DRC7: variants seen among roughly 807,000 people sequenced by gnomAD.
DRC7 encodes the protein dynein regulatory complex subunit 7.
A neutral mutation model predicts 104.4 loss-of-function variants in DRC7; 80 were observed. That is an observed-to-expected ratio of 0.77 (90% CI 0.64 to 0.92). The LOEUF is 0.92. Ranked by LOEUF, DRC7 falls within the 40% of genes least tolerant of loss-of-function variation. The probability of loss-of-function intolerance (pLI) is 0.00; values close to 1 mark genes in which losing one functional copy is unlikely to be tolerated. For synonymous variants in DRC7, 405 were observed against 447.3 expected (o/e 0.91, Z 1.19); for missense variants, 1,034 against 1,141.1 (o/e 0.91, Z 1.35).
intron 16 of DRC7, among the ~76,000 whole-genome samples, chr16:57,727,962 CCTGT>C (rs2048991751): frequency 6.6e-6 from 1 of 152,152 alleles, no homozygotes; most frequent in Non-Finnish European, 1.5e-5. Context: ...TTCACTGCCC[CCTGT>C]CTGCAGATGG....
chr16:57,721,803 C>T, intron 10 of DRC7, 64 bp downstream of exon 10: 1 of 1,285,674 alleles, frequency 7.8e-7, no homozygotes, highest in Non-Finnish European at 1.1e-6. Context: ...CCAGAGAGGT[C>T]TGCAACAGCG....
At chr16:57,711,878 G>A (rs113377917) in intron 8 of DRC7, among the ~76,000 whole-genome samples, 21,009 of 152,200 alleles carry the variant, frequency 0.14, 1,776 homozygotes, top group Middle Eastern at 0.25. Flanking sequence ...AAGATCAGAT[G>A]AGCCAGTTTA....
intron 6 of DRC7, 49 bp from the exon 7 acceptor site, chr16:57,704,827 A>G: frequency 1.3e-6 from 2 of 1,599,062 alleles, no homozygotes; most frequent in South Asian, 2.3e-5. Flanking sequence ...TTGCACATGT[A>G]AAGGGGGGAT....
At chr16:57,696,811 C>A (rs1460713622) in intron 2 of DRC7, among the ~76,000 whole-genome samples, 13 of 152,220 alleles carry the variant, frequency 8.5e-5, no homozygotes, top group African/African-American at 2.7e-4. Context: ...TGCCTCGGTT[C>A]CCAGTTTGAT....
At chr16:57,723,554 C>G (rs542164456) in intron 12 of DRC7, among the ~76,000 whole-genome samples, 1 of 152,058 alleles carries the variant, frequency 6.6e-6, no homozygotes, top group East Asian at 1.9e-4. Context: ...ATGGTGAAAC[C>G]CCATCTCTAC....
rs775374976 is a variant in DRC7, at chr16:57,698,148, C to T, written c.199C>T (p.Leu67Phe). 47 of 1,613,960 alleles carry T rather than the reference C, an allele frequency of 2.9e-5. No individual in the cohort carries two copies. The highest frequency in any genetic ancestry group is 4.4e-5 in the South Asian group (4 of 91,092). ...GATCCAGATCACTGTCTCAGCGGAG[C>T]TCCCGTGAGTGTGGCAGGGTGGGGG... is the stretch of plus-strand genomic sequence containing the variant. ...SEIQITVSAELPAFTKDTIDI... is the reference protein window; with the variant it reads ...SEIQITVSAEFPAFTKDTIDI... Residue 67 changes from leucine (L) to phenylalanine (F), a missense_variant, in exon 3 of 19, where the codon CTC becomes TTC. Physicochemically the swap from Leu to Phe is conservative, Grantham distance 22 (BLOSUM62 0). Coordinates refer to ENST00000360716, the MANE Select transcript of DRC7 (RefSeq NM_001289162.2).
intron 1 of DRC7, among the ~76,000 whole-genome samples, chr16:57,696,092 A>G (rs755776218): frequency 2.0e-5 from 3 of 151,884 alleles, no homozygotes; most frequent in Non-Finnish European, 4.4e-5. Flanking sequence ...TCATCTCTGG[A>G]CCCCCATTTG....
intron 6 of DRC7, among the ~76,000 whole-genome samples, chr16:57,703,525 G>A (rs922842395): frequency 6.6e-6 from 1 of 152,138 alleles, no homozygotes; most frequent in African/African-American, 2.4e-5. Flanking sequence ...GTTATACCTG[G>A]GTGAGCACCC....
Position 57,700,247 on chromosome 16 carries a change from C to A in DRC7, c.481C>A (p.Pro161Thr). 1 of 1,613,854 alleles carries A rather than the reference C, an allele frequency of 6.2e-7. No homozygotes were observed. The highest frequency in any genetic ancestry group is 8.5e-7 in the Non-Finnish European group (1 of 1,179,870). Reference protein sequence around the residue: ...QFVSDFLTMVPLPDPLKPPSH... With the variant: ...QFVSDFLTMVTLPDPLKPPSH... ...TGTCTCCGACTTCCTCACCATGGTG[C>A]CCCTGCCTGACCCTCTCAAGCCGGT... is the stretch of plus-strand genomic sequence containing the variant. The change falls in exon 5 of 19, where the codon CCC (proline) becomes ACC (threonine). Residue 161 changes from proline to threonine, a missense_variant. Coordinates refer to ENST00000360716, the MANE Select transcript of DRC7 (RefSeq NM_001289162.2).
Position 57,728,577 on chromosome 16 carries a change from T to A in DRC7, c.2384T>A (p.Phe795Tyr). 1 of 1,594,780 alleles carries A rather than the reference T, an allele frequency of 6.3e-7. No individual in the cohort carries two copies. Among genetic ancestry groups the A allele is most frequent in the African/African-American group, 1.3e-5 (1 of 74,360 alleles). ...INKANLIQAR[F>Y]EKETQELQKK... ...AAGGCCAACCTCATCCAGGCCCGCT[T>A]TGAGAAGGTGCCACCAGGGCCTTTG... The change falls in exon 17 of 19, where the codon TTT becomes TAT. Residue 795 changes from phenylalanine to tyrosine, a missense_variant. By Grantham distance (22) the Phe-to-Tyr change is conservative (BLOSUM62 3). Transcript: ENST00000360716.
chr16:57,725,196 G>C (rs567501092), intron 13 of DRC7, among the ~76,000 whole-genome samples: 63 of 152,094 alleles, frequency 4.1e-4, no homozygotes, highest in African/African-American at 1.3e-3. Flanking sequence ...ACTAGAATCA[G>C]GGCAGCAGGA....
At chr16:57,709,821 G>A (rs986040705) in intron 8 of DRC7, among the ~76,000 whole-genome samples, 11 of 152,296 alleles carry the variant, frequency 7.2e-5, no homozygotes, top group Admixed American at 7.2e-4. Flanking sequence ...CCAGGCTGGA[G>A]TGCAGTGATG....
intron 9 of DRC7, 24 bp downstream of exon 9, chr16:57,718,499 C>A (rs1433141802): frequency 6.2e-7 from 1 of 1,612,394 alleles, no homozygotes; most frequent in Non-Finnish European, 8.5e-7. Flanking sequence ...GCTCGAGAGC[C>A]CAGGGAATGT....
chr16:57,710,737 A>G (rs2048784352), intron 8 of DRC7, among the ~76,000 whole-genome samples: 2 of 152,142 alleles, frequency 1.3e-5, no homozygotes, highest in African/African-American at 4.8e-5. Flanking sequence ...TTCTGAGTCT[A>G]TTGAGATTAT....
intron 17 of DRC7, among the ~76,000 whole-genome samples, 164 bp from the exon 18 acceptor site, chr16:57,730,766 TG>T (rs2049052595): frequency 6.6e-6 from 1 of 152,096 alleles, no homozygotes; most frequent in South Asian, 2.1e-4. Flanking sequence ...CAAGATATTT[TG>T]TGGCCCCTGC....
At chr16:57,707,893 A>G in intron 8 of DRC7, 2 of 595,620 alleles carry the variant, frequency 3.4e-6, no homozygotes, top group Non-Finnish European at 6.0e-6. Flanking sequence ...GTATCCTTCT[A>G]AAGTGTGGAT....
At position 57,694,819 on chromosome 16, in the gene DRC7, T is replaced by G. The variant is rs1461973305; in HGVS notation, c.-202T>G. ...GCTTCCCAGGTTGTTACCATGGAGA[T>G]GGCTAACAGCTAGAGCAGGCTGTCC... On this transcript the variant is annotated 5_prime_UTR_variant, in exon 1 of 19. It removes an upstream start codon present in the reference 5' UTR. Coordinates refer to ENST00000360716, the MANE Select transcript of DRC7 (RefSeq NM_001289162.2). The G allele has an allele frequency of 2.6e-5, 4 of 152,140 alleles. No homozygotes were observed. Among genetic ancestry groups the G allele is most frequent in the Non-Finnish European group, 5.9e-5 (4 of 68,032 alleles). The allele number at this position is 152,140 out of a possible 1,614,324, so 9.4% of individuals were successfully genotyped here. A position where few individuals can be genotyped will look rare whatever the true frequency, so the allele number is the denominator to read the frequency against.
At chr16:57,729,878 A>ATGGG (rs2049035257) in intron 17 of DRC7, among the ~76,000 whole-genome samples, 1 of 109,338 alleles carries the variant, frequency 9.1e-6, no homozygotes, top group Non-Finnish European at 1.8e-5. Context: ...GGATGGATGG[A>ATGGG]TGAATGGATG....
chr16:57,719,789 T>C (rs1349249004), intron 9 of DRC7, among the ~76,000 whole-genome samples: 1 of 152,214 alleles, frequency 6.6e-6, no homozygotes, highest in Non-Finnish European at 1.5e-5. Context: ...ATTACAGGCA[T>C]GAGCCACCAT....
Sources: allele counts gnomAD v4.1 joint callset (sites outside exome capture counted in the v4.1 genomes callset), GRCh38; gene constraint gnomAD v4.1.1; transcripts MANE v1.5; gene names NCBI Gene and HGNC (gene_info 2026-07-23, HGNC 2026-07-21).